NTM: variants seen among roughly 807,000 people sequenced by gnomAD.
NTM encodes IgLON family member 2.
NTM carries 13 observed loss-of-function variants against 42.1 expected under a neutral mutation model. The ratio of observed to expected loss-of-function variants is 0.31; its 90% CI spans 0.20 to 0.49. The LOEUF is 0.49. Ranked by LOEUF, NTM falls within the 20% of genes least tolerant of loss-of-function variation. NTM has a pLI of 0.99. For synonymous variants in NTM, 187 were observed against 179.2 expected (o/e 1.04, Z -0.35); for missense variants, 373 against 452.8 (o/e 0.82, Z 1.60).
chr11:131,620,990 A>C (rs2137650562), intron 1 of NTM, among the ~76,000 whole-genome samples: 1 of 152,338 alleles, frequency 6.6e-6, no homozygotes, highest in East Asian at 1.9e-4. Context: ...AGCACTAGCC[A>C]CTAACTAATG....
chr11:132,335,598 G>A lies in NTM; in HGVS notation c.*452G>A, dbSNP rs1432164450. 6.5e-6 allele frequency: 1 copy of A among 153,770 alleles called. No homozygotes were observed. The highest frequency in any genetic ancestry group is 1.4e-5 in the Non-Finnish European group (1 of 69,184). The allele number at this position is 153,770 out of a possible 1,614,324, so 9.5% of individuals were successfully genotyped here. A position where few individuals can be genotyped will look rare whatever the true frequency, so the allele number is the denominator to read the frequency against. On this transcript the variant is annotated 3_prime_UTR_variant, in exon 9 of 9. Transcript: ENST00000683400. ...CCAAGCGTGGCGCTGCGGGCACTTT[G>A]GTAGACTGTGCCACCACGGCGTGTG... is the stretch of plus-strand genomic sequence containing the variant.
intron 2 of NTM, among the ~76,000 whole-genome samples, chr11:132,132,801 T>C (rs1292670958): frequency 6.6e-6 from 1 of 152,146 alleles, no homozygotes; most frequent in African/African-American, 2.4e-5. Context: ...CTGGACTCCA[T>C]GGAAATCAAG....
intron 1 of NTM, among the ~76,000 whole-genome samples, chr11:131,499,731 A>G (rs1289780536): frequency 6.6e-6 from 1 of 151,982 alleles, no homozygotes; most frequent in Admixed American, 6.6e-5. Context: ...TGTTATTAAT[A>G]CGCTAAGTTT....
Position 131,723,959 on chromosome 11 carries a change from G to A in NTM, c.83-187605G>A, listed in dbSNP as rs559702009. 6.6e-4 allele frequency among the ~76,000 whole-genome samples: 100 copies of A among 152,290 alleles called. 1 individual carries two copies. Among genetic ancestry groups the A allele is most frequent in the African/African-American group, 2.3e-3 (95 of 41,556 alleles). On this transcript the variant is annotated intron_variant, in intron 1 of 8. Coordinates refer to ENST00000683400, the MANE Select transcript of NTM (RefSeq NM_001352005.2). The stretch of plus-strand genomic sequence containing the variant: ...GAGGCCAATGTAATTTCTTTGAACC[G>A]AATAAAGAATTCATGGTCATGTGAA...
chr11:132,239,946 T>C (rs565707450), intron 4 of NTM, among the ~76,000 whole-genome samples: 1 of 152,274 alleles, frequency 6.6e-6, no homozygotes, highest in East Asian at 1.9e-4. Flanking sequence ...CATTTATCCA[T>C]CCATTCATCC....
intron 1 of NTM, among the ~76,000 whole-genome samples, chr11:131,698,915 C>G (rs1389771023): frequency 6.6e-6 from 1 of 152,188 alleles, no homozygotes; most frequent in African/African-American, 2.4e-5. Context: ...ATCTTTCTAA[C>G]TTACCTTGAT....
chr11:132,021,254 T>C (rs1200020247), intron 2 of NTM, among the ~76,000 whole-genome samples: 1 of 152,190 alleles, frequency 6.6e-6, no homozygotes, highest in African/African-American at 2.4e-5. Flanking sequence ...TGTTAGACTC[T>C]CTACATATGG....
chr11:131,683,534 A>G (rs748602163), intron 1 of NTM, among the ~76,000 whole-genome samples: 3 of 152,200 alleles, frequency 2.0e-5, no homozygotes, highest in Admixed American at 6.5e-5. Flanking sequence ...GATGGACCCT[A>G]ATTGTGCATG....
chr11:131,593,561 C>G (rs781632683), intron 1 of NTM, among the ~76,000 whole-genome samples: 2 of 152,290 alleles, frequency 1.3e-5, no homozygotes, highest in East Asian at 3.9e-4. Context: ...GTGGATGACA[C>G]GTTACCCCAT....
intron 1 of NTM, among the ~76,000 whole-genome samples, chr11:131,487,839 C>T (rs977661704): frequency 1.3e-5 from 2 of 152,214 alleles, no homozygotes; most frequent in Non-Finnish European, 2.9e-5. Context: ...TAAACACTGA[C>T]AGGTGCAGCT....
intron 4 of NTM, among the ~76,000 whole-genome samples, chr11:132,257,225 T>A (rs1235080161): frequency 6.6e-6 from 1 of 152,190 alleles, no homozygotes; most frequent in Non-Finnish European, 1.5e-5. Context: ...TGAGAGGGCA[T>A]GGAGGAGAAT....
chr11:132,116,081 G>A (rs1000580286), intron 2 of NTM, among the ~76,000 whole-genome samples: 2 of 152,146 alleles, frequency 1.3e-5, no homozygotes, highest in Admixed American at 6.5e-5. Flanking sequence ...ATTAGGCACC[G>A]TATCAGTCAG....
At chr11:131,631,519 T>C (rs1592289240) in intron 1 of NTM, among the ~76,000 whole-genome samples, 1 of 152,334 alleles carries the variant, frequency 6.6e-6, no homozygotes, top group East Asian at 1.9e-4. Flanking sequence ...TTTTTAAAAC[T>C]ACGTTTTCAA....
At chr11:132,321,012 A>T (rs7950517) in intron 7 of NTM, among the ~76,000 whole-genome samples, 2 of 148,732 alleles carry the variant, frequency 1.3e-5, no homozygotes, top group African/African-American at 2.6e-5. Context: ...CATCCACACC[A>T]AAAACCCATC....
chr11:132,307,728 A>G lies in NTM; in HGVS notation c.566A>G (p.Gln189Arg). The G allele has an allele frequency of 6.2e-7, 1 of 1,614,186 alleles. No individual in the cohort carries two copies. The highest frequency in any genetic ancestry group is 8.5e-7 in the Non-Finnish European group (1 of 1,180,018). ...AGTGAAGACGAATACTTGGAAATTC[A>G]GGGCATCACCAGGGAGCAGTCAGGG... ...FVSEDEYLEI[Q>R]GITREQSGDY... The change falls in exon 5 of 9, where the codon CAG becomes CGG. Residue 189 changes from glutamine (Q) to arginine (R), a missense_variant. By Grantham distance (43) the Gln-to-Arg change is conservative (BLOSUM62 1). Coordinates refer to ENST00000683400, the MANE Select transcript of NTM (RefSeq NM_001352005.2).
chr11:131,668,797 A>C (rs2069574627), intron 1 of NTM, among the ~76,000 whole-genome samples: 1 of 152,214 alleles, frequency 6.6e-6, no homozygotes, highest in East Asian at 1.9e-4. Flanking sequence ...TTTCCACGAA[A>C]GGTAAATGAT....
At chr11:131,596,181 C>T (rs1371290427) in intron 1 of NTM, among the ~76,000 whole-genome samples, 1 of 152,178 alleles carries the variant, frequency 6.6e-6, no homozygotes, top group East Asian at 1.9e-4. Flanking sequence ...ACTTTTCATT[C>T]CCCCTTGATG....
intron 2 of NTM, among the ~76,000 whole-genome samples, chr11:132,048,154 A>G (rs1326897372): frequency 1.3e-5 from 2 of 152,092 alleles, no homozygotes; most frequent in Non-Finnish European, 1.5e-5. Context: ...AGGGGTATAT[A>G]GAAGAACTTC....
intron 1 of NTM, among the ~76,000 whole-genome samples, chr11:131,375,972 C>A (rs568087745): frequency 7.0e-4 from 107 of 152,312 alleles, no homozygotes; most frequent in Admixed American, 1.1e-3. Context: ...TCTTCACCTT[C>A]TCTTTTTCTC....
Sources: allele counts gnomAD v4.1 joint callset (sites outside exome capture counted in the v4.1 genomes callset), GRCh38; gene constraint gnomAD v4.1.1; transcripts MANE v1.5; gene names NCBI Gene and HGNC (gene_info 2026-07-23, HGNC 2026-07-21).